Variants in LZIC observed in about 807,000 individuals in gnomAD.
The protein encoded by LZIC is leucine zipper and CTNNBIP1 domain containing, also known as protein LZIC.
LZIC carries 28 observed loss-of-function variants against 25.4 expected under a neutral mutation model. The observed-to-expected ratio is 1.10, with a 90% CI of 0.82 to 1.51. LZIC has a LOEUF of 1.51. Among genes scored for constraint, LZIC ranks in the 40% most tolerant of loss-of-function variants. LZIC has a pLI of 0.00. For missense variants in LZIC, 170 were observed against 211.1 expected (o/e 0.81, Z 1.21); for synonymous variants, 65 against 70.7 (o/e 0.92, Z 0.40).
At chr1:9,922,132 T>C (rs942668017), downstream of LZIC, 5 of 243,922 alleles carry the variant, frequency 2.0e-5, no homozygotes, top group African/African-American at 7.0e-5. Context: ...TTTTTAGATG[T>C]AATTTATTAT....
At chr1:9,930,947 G>A (rs1231345382) in intron 7 of LZIC, among the ~76,000 whole-genome samples, 3 of 151,922 alleles carry the variant, frequency 2.0e-5, no homozygotes, top group Non-Finnish European at 4.4e-5. Flanking sequence ...TCGAACTCCT[G>A]ACCTCAGGTG....
downstream of LZIC, chr1:9,922,314 T>C (rs1469318623): frequency 1.0e-6 from 1 of 985,392 alleles, no homozygotes; most frequent in Non-Finnish European, 1.2e-6. Context: ...ATATTTTTGC[T>C]GGGGTGTGAG....
At chr1:9,931,820 C>T (rs917852223) in intron 7 of LZIC, 71 bp downstream of exon 7, 2 of 974,758 alleles carry the variant, frequency 2.1e-6, no homozygotes, top group African/African-American at 1.6e-5. Context: ...TTCAACCACA[C>T]TCTCCATCAG....
chr1:9,922,165 G>T, downstream of LZIC: 1 of 370,338 alleles, frequency 2.7e-6, no homozygotes, highest in Non-Finnish European at 3.7e-6. Flanking sequence ...GAAAATCTCT[G>T]CATTTCCCAA....
intron 2 of LZIC, among the ~76,000 whole-genome samples, chr1:9,940,810 A>C (rs1169812291): frequency 6.6e-6 from 1 of 152,220 alleles, no homozygotes; most frequent in African/African-American, 2.4e-5. Context: ...CAAGTATTAT[A>C]CCCAGAAGTG....
chr1:9,936,700 T>G, intron 2 of LZIC, 73 bp from the exon 3 acceptor site: 1 of 1,002,732 alleles, frequency 1.0e-6, no homozygotes, highest in Non-Finnish European at 1.5e-6. Context: ...TTTTATTTTT[T>G]GTAGAGACAG....
intron 2 of LZIC, among the ~76,000 whole-genome samples, chr1:9,941,349 C>G (rs1310463345): frequency 6.6e-6 from 1 of 151,972 alleles, no homozygotes; most frequent in Non-Finnish European, 1.5e-5. Context: ...TGCCCGCCAC[C>G]ACGCTCAGCT....
In LZIC at chr1:9,929,451, T is replaced by G. The variant is rs1001134136; in HGVS notation, c.*948A>C. 1 of 985,292 alleles carries G rather than the reference T, an allele frequency of 1.0e-6. No individual in the cohort carries two copies. Among genetic ancestry groups the G allele is most frequent in the African/African-American group, 1.7e-5 (1 of 57,218 alleles). The allele number at this position is 985,292 out of a possible 1,614,324, so 61.0% of individuals were successfully genotyped here. A position where few individuals can be genotyped will look rare whatever the true frequency, so the allele number is the denominator to read the frequency against. ...ACATGTAAATACTCAGGAGAGAAAT[T>G]TGCTTTTCCTCATAACTTATTTTGT... On this transcript the variant is annotated 3_prime_UTR_variant, in exon 8 of 8. Transcript: ENST00000377223.
chr1:9,934,687 C>A (rs1570639785), intron 5 of LZIC, 75 bp downstream of exon 5: 2 of 1,288,840 alleles, frequency 1.6e-6, no homozygotes, highest in East Asian at 2.3e-5. Context: ...AATTTTTAAG[C>A]CATAGGATAT....
intron 2 of LZIC, among the ~76,000 whole-genome samples, chr1:9,940,654 C>G (rs1298716606): frequency 6.6e-6 from 1 of 152,180 alleles, no homozygotes; most frequent in Non-Finnish European, 1.5e-5. Flanking sequence ...ATAATGAAAT[C>G]ATTACCAGAT....
At chr1:9,931,481 C>T (rs1331501004) in intron 7 of LZIC, among the ~76,000 whole-genome samples, 1 of 152,126 alleles carries the variant, frequency 6.6e-6, no homozygotes, top group Non-Finnish European at 1.5e-5. Context: ...CCAGGATGGT[C>T]TCGATCTCCT....
At position 9,935,525 on chromosome 1, in the gene LZIC, C is replaced by T. The variant is rs1228427222; in HGVS notation, c.204G>A (p.Met68Ile). The T allele has an allele frequency of 1.2e-6, 2 of 1,611,250 alleles. No individual in the cohort carries two copies. Among genetic ancestry groups the T allele is most frequent in the Non-Finnish European group, 1.7e-6 (2 of 1,179,324 alleles). Residue 68 changes from methionine (M) to isoleucine (I), a missense_variant, in exon 4 of 8, where the codon ATG (methionine) becomes ATA (isoleucine). Met to Ile is a conservative substitution (Grantham distance 10). Coordinates refer to ENST00000377223, the MANE Select transcript of LZIC (RefSeq NM_032368.5). ...DSLKKIMSGN[M>I]TLVDELSGMQ... ...TTCCACTTAGTTCATCTACCAAAGT[C>T]ATATTTCCAGACATAATTTTCTTTA...
intron 2 of LZIC, among the ~76,000 whole-genome samples, chr1:9,938,456 C>T (rs1640553909): frequency 6.6e-6 from 1 of 152,196 alleles, no homozygotes; most frequent in South Asian, 2.1e-4. Flanking sequence ...CCCACAAGCC[C>T]AGCTGATGAA....
chr1:9,930,294 T>C lies in LZIC; in HGVS notation c.*105A>G. On this transcript the variant is annotated 3_prime_UTR_variant, in exon 8 of 8. Transcript: ENST00000377223. Reference sequence around the variant, plus strand: ...ATGTCGCTTTTTCTTAGGTTATTGATGCATTTCCAGAATCTCTTCATTTCT... The same window carrying C: ...ATGTCGCTTTTTCTTAGGTTATTGACGCATTTCCAGAATCTCTTCATTTCT... 2 of 1,559,514 alleles carry C rather than the reference T, an allele frequency of 1.3e-6. No individual in the cohort carries two copies. The highest frequency in any genetic ancestry group is 2.3e-5 in the East Asian group (1 of 44,098).
Position 9,929,545 on chromosome 1 carries a change from C to G in LZIC, c.*854G>C. On this transcript the variant is annotated 3_prime_UTR_variant, in exon 8 of 8. Coordinates refer to ENST00000377223, the MANE Select transcript of LZIC (RefSeq NM_032368.5). ...CCCCTCTGAGTGTGACAAGAGGTCA[C>G]GCACAGGGAGGGCCTCTAGCTGCCA... The G allele has an allele frequency of 1.0e-6, 1 of 985,380 alleles. No individual in the cohort carries two copies. Among genetic ancestry groups the G allele is most frequent in the Non-Finnish European group, 1.2e-6 (1 of 829,928 alleles). The allele number at this position is 985,380 out of a possible 1,614,324, so 61.0% of individuals were successfully genotyped here. A position where few individuals can be genotyped will look rare whatever the true frequency, so the allele number is the denominator to read the frequency against.
At chr1:9,930,840 C>T (rs1050976837) in intron 7 of LZIC, among the ~76,000 whole-genome samples, 1 of 151,662 alleles carries the variant, frequency 6.6e-6, no homozygotes, top group African/African-American at 2.4e-5. Flanking sequence ...CTTGCCTCAG[C>T]CTCCCTAGTA....
At chr1:9,939,434 G>A (rs1421160890) in intron 2 of LZIC, among the ~76,000 whole-genome samples, 6 of 147,510 alleles carry the variant, frequency 4.1e-5, no homozygotes, top group Non-Finnish European at 1.5e-5. Flanking sequence ...AGGCTGGAGT[G>A]CAGTGATGTG....
intron 2 of LZIC, among the ~76,000 whole-genome samples, chr1:9,940,201 G>C (rs935251485): frequency 4.6e-5 from 7 of 151,996 alleles, no homozygotes; most frequent in African/African-American, 1.7e-4. Context: ...TTTTGAGACA[G>C]AGTCTTGCTC....
At chr1:9,932,688 A>G (rs1640279806) in intron 6 of LZIC, 115 bp downstream of exon 6, 36 of 445,354 alleles carry the variant, frequency 8.1e-5, no homozygotes, top group East Asian at 7.1e-4. Flanking sequence ...CGTCTCAGAA[A>G]AAAAAAAAAA....
Sources: gnomAD v4.1 joint callset for allele counts (sites outside exome capture counted in the v4.1 genomes callset) on GRCh38, gnomAD v4.1.1 for gene constraint, MANE v1.5 for transcripts, NCBI Gene and HGNC (gene_info 2026-07-23, HGNC 2026-07-21) for gene names.